The following FOXA3 variants were observed in gnomAD, a reference collection of about 807,000 sequenced individuals.
FOXA3 encodes forkhead box A3.
A neutral mutation model predicts 16.9 loss-of-function variants in FOXA3; 11 were observed. The ratio of observed to expected loss-of-function variants is 0.65; its 90% CI spans 0.41 to 1.08. FOXA3 has a LOEUF of 1.08. FOXA3 is among the 50% of genes least tolerant of loss of function. FOXA3 has a pLI of 0.00. For synonymous variants in FOXA3, 217 were observed against 203.3 expected, an observed-to-expected ratio of 1.07 and a Z score of -0.57; for missense variants, 423 against 470.1, an observed-to-expected ratio of 0.90 and a Z score of 0.93.
chr19:45,872,662 G>A lies in FOXA3; in HGVS notation c.657G>A (p.Val219=). 6 of 1,612,782 alleles carry A rather than the reference G, an allele frequency of 3.7e-6. No individual in the cohort carries two copies. The highest frequency in any genetic ancestry group is 5.1e-6 in the Non-Finnish European group (6 of 1,179,438). ...AACGCTTCAAGCTGGAGGAGAAGGT[G>A]AAAAAAGGGGGCAGCGGGGCTGCCA... ...RQKRFKLEEK[V]KKGGSGAATT... The change falls in exon 2 of 2, where the codon GTG becomes GTA. Residue 219 remains valine, a synonymous_variant. Transcript: ENST00000302177. The surrounding 1 kb of genome is among the most constrained non-coding windows in gnomAD (Gnocchi z 4.5).
intron 1 of FOXA3, among the ~76,000 whole-genome samples, chr19:45,866,364 C>T (rs907575941): frequency 9.9e-5 from 15 of 151,996 alleles, no homozygotes; most frequent in African/African-American, 3.6e-4. Context: ...GAGCTGTGAT[C>T]GTATCACGGC....
intron 1 of FOXA3, among the ~76,000 whole-genome samples, chr19:45,867,382 G>C (rs1382898402): frequency 6.6e-6 from 1 of 151,890 alleles, no homozygotes; most frequent in African/African-American, 2.4e-5. Context: ...GTAAGACTTG[G>C]GGTGAGGGGG....
At position 45,866,100 on chromosome 19, in the gene FOXA3, T is replaced by C. The variant is rs540857172; in HGVS notation, c.69+1575T>C. Among the ~76,000 whole-genome samples, 7 of 152,132 alleles carry C rather than the reference T, an allele frequency of 4.6e-5. No individual in the cohort carries two copies. The South Asian group carries it at 1.5e-3, about 32-fold the overall frequency. On this transcript the variant is annotated intron_variant, in intron 1 of 1. Coordinates refer to ENST00000302177, the MANE Select transcript of FOXA3 (RefSeq NM_004497.3). ...ATAGATCCAAGTTTAGGGGACAATT[T>C]GTATGGAAATTGTGTCAGAAATTGA...
intron 1 of FOXA3, among the ~76,000 whole-genome samples, chr19:45,867,665 A>C (rs992609126): frequency 1.3e-5 from 2 of 150,154 alleles, no homozygotes; most frequent in Non-Finnish European, 3.0e-5. Flanking sequence ...CTATAATCCC[A>C]GTTACTTGGG....
At chr19:45,864,845 CA>C (rs1972066139) in intron 1 of FOXA3, among the ~76,000 whole-genome samples, 1 of 151,980 alleles carries the variant, frequency 6.6e-6, no homozygotes, top group South Asian at 2.1e-4. Context: ...ATGTACAAAC[CA>C]AAGATAGGAA....
chr19:45,869,151 T>C (rs1393089055), intron 1 of FOXA3, among the ~76,000 whole-genome samples: 1 of 151,918 alleles, frequency 6.6e-6, no homozygotes, highest in Non-Finnish European at 1.5e-5. Flanking sequence ...GGTCTCGAAC[T>C]CCCGACCTCA....
chr19:45,868,657 A>G (rs1315321856), intron 1 of FOXA3, among the ~76,000 whole-genome samples: 2 of 150,900 alleles, frequency 1.3e-5, no homozygotes, highest in East Asian at 3.9e-4. Flanking sequence ...GGCTCTAGCC[A>G]GTGCTGTATA....
Position 45,873,344 on chromosome 19 carries a change from GGCCCTT to G in FOXA3, c.*287_*292del. 1 of 488,974 alleles carries G rather than the reference GGCCCTT, an allele frequency of 2.0e-6. No individual in the cohort carries two copies. Among genetic ancestry groups the G allele is most frequent in the South Asian group, 2.4e-5 (1 of 42,368 alleles). 30.3% of individuals were successfully genotyped at this position (488,974 alleles called of 1,614,324 possible). On this transcript the variant is annotated 3_prime_UTR_variant, in exon 2 of 2. Transcript: ENST00000302177. ...TGGTTTGATGGCCACCATCTCGGTT[GGCCCTT>G]TGGGTGTGATGGTGATAGCATTTCA...
Position 45,872,544 on chromosome 19 carries a change from G to A in FOXA3, c.539G>A (p.Arg180His), listed in dbSNP as rs752376903. 3 of 1,614,122 alleles carry A rather than the reference G, an allele frequency of 1.9e-6. No homozygotes were observed. The highest frequency in any genetic ancestry group is 2.2e-5 in the East Asian group (1 of 44,876). The change falls in exon 2 of 2, where the codon CGT becomes CAT. Residue 180 changes from arginine (R) to histidine (H), a missense_variant. Transcript: ENST00000302177. This position sits in a 1 kb window ranked among gnomAD's most constrained non-coding sequence, Gnocchi z 4.5. Reference protein sequence around the residue: ...SFNDCFVKVARSPDKPGKGSY... With the variant: ...SFNDCFVKVAHSPDKPGKGSY... ...AACGACTGCTTCGTCAAGGTGGCGC[G>A]TTCCCCAGACAAGCCTGGCAAGGGC...
At position 45,873,131 on chromosome 19, in the gene FOXA3, G is replaced by A; in HGVS notation, c.*73G>A. On this transcript the variant is annotated 3_prime_UTR_variant, in exon 2 of 2. Coordinates refer to ENST00000302177, the MANE Select transcript of FOXA3 (RefSeq NM_004497.3). ...AAGCTCTTGGGGCCTGATCCTTCTG[G>A]TGACACTTCACTTGTCCCATTGGTT... 1 of 1,549,182 alleles carries A rather than the reference G, an allele frequency of 6.5e-7. No homozygotes were observed. The highest frequency in any genetic ancestry group is 8.7e-7 in the Non-Finnish European group (1 of 1,146,082).
chr19:45,869,577 C>G (rs1359612219), intron 1 of FOXA3, among the ~76,000 whole-genome samples: 5 of 152,010 alleles, frequency 3.3e-5, no homozygotes, highest in African/African-American at 4.8e-5. Flanking sequence ...TGAACATTTC[C>G]AAAAATGGGA....
At chr19:45,866,125 A>G (rs979739599) in intron 1 of FOXA3, among the ~76,000 whole-genome samples, 5 of 152,176 alleles carry the variant, frequency 3.3e-5, no homozygotes, top group Non-Finnish European at 7.3e-5. Flanking sequence ...TCAGAAATTG[A>G]AGGAAAGCCG....
chr19:45,871,911 A>C (rs1568634440), intron 1 of FOXA3, among the ~76,000 whole-genome samples, 164 bp from the exon 2 acceptor site: 1 of 152,124 alleles, frequency 6.6e-6, no homozygotes, highest in Non-Finnish European at 1.5e-5. Flanking sequence ...CCAGGGAGTG[A>C]GGAGAGACCT....
chr19:45,872,378 C>T lies in FOXA3; in HGVS notation c.373C>T (p.Leu125Phe), dbSNP rs775840325. 1 of 1,614,240 alleles carries T rather than the reference C, an allele frequency of 6.2e-7. No homozygotes were observed. Among genetic ancestry groups the T allele is most frequent in the Non-Finnish European group, 8.5e-7 (1 of 1,180,036 alleles). Residue 125 changes from leucine to phenylalanine, a missense_variant, in exon 2 of 2, where the codon CTC (leucine) becomes TTC (phenylalanine). Coordinates refer to ENST00000302177, the MANE Select transcript of FOXA3 (RefSeq NM_004497.3). The surrounding 1 kb of genome is among the most constrained non-coding windows in gnomAD (Gnocchi z 4.5). ...HAKPPYSYIS[L>F]ITMAIQQAPG... is the part of the protein sequence containing the mutation. Reference sequence around the variant, plus strand: ...CAAGCCACCGTATTCCTATATCTCACTCATCACCATGGCCATCCAGCAGGC... The same window carrying T: ...CAAGCCACCGTATTCCTATATCTCATTCATCACCATGGCCATCCAGCAGGC...
In FOXA3 at chr19:45,864,526, G is replaced by T; in HGVS notation, c.69+1G>T. 1.3e-6 allele frequency: 2 copies of T among 1,543,222 alleles called. No individual in the cohort carries two copies. The highest frequency in any genetic ancestry group is 1.8e-6 in the Non-Finnish European group (2 of 1,142,790). ...GAGCTACTACCCGGAGGCGGGCGAGGTGTGTCCTCGGGGATGGCGGAGCGG... is the reference window on the plus strand; with the variant it reads ...GAGCTACTACCCGGAGGCGGGCGAGTTGTGTCCTCGGGGATGGCGGAGCGG... On this transcript the variant is annotated splice_donor_variant, in intron 1 of 1. Coordinates refer to ENST00000302177, the MANE Select transcript of FOXA3 (RefSeq NM_004497.3). LOFTEE classifies it high-confidence loss of function.
intron 1 of FOXA3, among the ~76,000 whole-genome samples, chr19:45,868,085 G>A (rs1044007015): frequency 1.3e-5 from 2 of 151,918 alleles, no homozygotes; most frequent in Non-Finnish European, 2.9e-5. Flanking sequence ...GTACTGAGAC[G>A]GGTAACACAA....
chr19:45,872,856 C>T lies in FOXA3; in HGVS notation c.851C>T (p.Thr284Ile). ...CCCGCTTCCTCCACACCCTATTTCA[C>T]TGGCCTGGAGCTCCCAGGGGAGCTG... is the stretch of plus-strand genomic sequence containing the variant. ...GSPASSTPYF[T>I]GLELPGELKL... The change falls in exon 2 of 2, where the codon ACT (threonine) becomes ATT (isoleucine). Residue 284 changes from threonine to isoleucine, a missense_variant. By Grantham distance (89) the Thr-to-Ile change is moderately conservative. Transcript: ENST00000302177. The surrounding 1 kb of genome is among the most constrained non-coding windows in gnomAD (Gnocchi z 4.5). 1 of 1,613,902 alleles carries T rather than the reference C, an allele frequency of 6.2e-7. No individual in the cohort carries two copies. The highest frequency in any genetic ancestry group is 8.5e-7 in the Non-Finnish European group (1 of 1,180,030).
chr19:45,864,687 G>A (rs3810329), intron 1 of FOXA3, among the ~76,000 whole-genome samples, 162 bp downstream of exon 1: 8 of 152,084 alleles, frequency 5.3e-5, no homozygotes, highest in Non-Finnish European at 1.0e-4. Context: ...GTCGGGGACC[G>A]GGGACGAGGC....
At chr19:45,870,600 C>T (rs1439392693) in intron 1 of FOXA3, among the ~76,000 whole-genome samples, 13 of 139,136 alleles carry the variant, frequency 9.3e-5, no homozygotes, top group Non-Finnish European at 1.8e-4. Flanking sequence ...TGGAGTCTTG[C>T]TCTGTTGTCC....
Sources: gnomAD v4.1 joint callset for allele counts (sites outside exome capture counted in the v4.1 genomes callset) on GRCh38, gnomAD v4.1.1 for gene constraint, Gnocchi (gnomAD v3.1) non-coding constraint, MANE v1.5 for transcripts, NCBI Gene and HGNC (gene_info 2026-07-23, HGNC 2026-07-21) for gene names.